The following MYT1L variants were observed in gnomAD, a reference collection of about 807,000 sequenced individuals.
MYT1L encodes the protein myelin transcription factor 1-like protein.
A neutral mutation model predicts 126.7 loss-of-function variants in MYT1L; 12 were observed. The observed-to-expected ratio is 0.09, with a 90% CI of 0.06 to 0.15. The LOEUF is 0.15. Among genes scored for constraint, MYT1L ranks in the 10% least tolerant of loss-of-function variants. The pLI is 1.00. For synonymous variants in MYT1L, 541 were observed against 604.2 expected, an observed-to-expected ratio of 0.90 and a Z score of 1.53; for missense variants, 979 against 1,585.2, an observed-to-expected ratio of 0.62 and a Z score of 6.49.
At chr2:1,900,933 CAT>C (rs1178578371) in intron 14 of MYT1L, among the ~76,000 whole-genome samples, 2 of 152,210 alleles carry the variant, frequency 1.3e-5, no homozygotes, top group African/African-American at 2.4e-5. Context: ...CAGTAACTAA[CAT>C]GTGATGGCGC....
intron 4 of MYT1L, among the ~76,000 whole-genome samples, chr2:2,018,779 C>T (rs915733782): frequency 1.3e-5 from 2 of 152,118 alleles, no homozygotes; most frequent in Admixed American, 6.5e-5. Context: ...AAGGTGAGCC[C>T]AATGTTTGTA....
Position 2,051,216 on chromosome 2 carries a change from G to T in MYT1L, c.-158+2762C>A, listed in dbSNP as rs77370711. On this transcript the variant is annotated intron_variant, in intron 4 of 24. Transcript: ENST00000647738. ...TAACATGCAGCTGTACGTGACAACT[G>T]AATAGTATTCCACGTCCATTACTTG... is the stretch of plus-strand genomic sequence containing the variant. Among the ~76,000 whole-genome samples, 120 of 152,278 alleles carry T rather than the reference G, an allele frequency of 7.9e-4. 1 individual carries two copies. In the East Asian group the frequency reaches 0.013, roughly 17 times the overall value.
At chr2:2,015,713 C>T (rs971732555) in intron 4 of MYT1L, among the ~76,000 whole-genome samples, 3 of 152,004 alleles carry the variant, frequency 2.0e-5, no homozygotes, top group South Asian at 2.1e-4. Flanking sequence ...AAGGAGGGGG[C>T]GGGAGGAACT....
chr2:2,299,326 G>A (rs1207466090), intron 1 of MYT1L, among the ~76,000 whole-genome samples: 1 of 152,196 alleles, frequency 6.6e-6, no homozygotes, highest in Non-Finnish European at 1.5e-5. Flanking sequence ...GTGCCTAGCG[G>A]CCCATGTGAG....
intron 21 of MYT1L, among the ~76,000 whole-genome samples, chr2:1,812,643 C>T (rs1412156760): frequency 2.0e-5 from 3 of 151,962 alleles, no homozygotes; most frequent in African/African-American, 4.8e-5. Flanking sequence ...TTTGTGAGGC[C>T]GAGGCGGACA....
chr2:2,121,720 C>T (rs1281119280), intron 3 of MYT1L, among the ~76,000 whole-genome samples: 2 of 152,092 alleles, frequency 1.3e-5, no homozygotes, highest in Admixed American at 6.5e-5. Context: ...CTGCTGACCT[C>T]GTGATCCGCC....
At chr2:2,104,506 C>A (rs547458437) in intron 3 of MYT1L, among the ~76,000 whole-genome samples, 1 of 152,254 alleles carries the variant, frequency 6.6e-6, no homozygotes, top group South Asian at 2.1e-4. Flanking sequence ...GCTTTTCAGG[C>A]GGGCAGGATG....
chr2:2,087,315 G>A (rs762231157), intron 3 of MYT1L, among the ~76,000 whole-genome samples: 7 of 152,182 alleles, frequency 4.6e-5, no homozygotes, highest in Admixed American at 6.5e-5. Flanking sequence ...TCATGTGCAT[G>A]TTTTACAAAA....
chr2:1,944,746 A>G (rs528307213), intron 8 of MYT1L, among the ~76,000 whole-genome samples: 1 of 152,310 alleles, frequency 6.6e-6, no homozygotes, highest in Non-Finnish European at 1.5e-5. Flanking sequence ...AGGGATTTAG[A>G]CAAGTCACAA....
chr2:2,243,307 T>C (rs1049559310), intron 2 of MYT1L, among the ~76,000 whole-genome samples: 9 of 152,346 alleles, frequency 5.9e-5, no homozygotes, highest in African/African-American at 2.2e-4. Context: ...ATATTCTTGG[T>C]GAATTCTTTT....
intron 2 of MYT1L, among the ~76,000 whole-genome samples, chr2:2,257,440 G>T (rs1572899356): frequency 6.6e-6 from 1 of 152,182 alleles, no homozygotes; most frequent in Non-Finnish European, 1.5e-5. Flanking sequence ...CACTTTGGGA[G>T]GCTGAAGCGG....
At chr2:2,008,186 A>G (rs557405395) in intron 4 of MYT1L, among the ~76,000 whole-genome samples, 4 of 152,234 alleles carry the variant, frequency 2.6e-5, no homozygotes, top group Non-Finnish European at 4.4e-5. Context: ...TATCCTAGTC[A>G]GTTGGCAGCA....
At chr2:1,985,713 G>A (rs935136367) in intron 5 of MYT1L, among the ~76,000 whole-genome samples, 6 of 152,146 alleles carry the variant, frequency 3.9e-5, no homozygotes, top group Admixed American at 3.9e-4. Context: ...TAAAAATCAC[G>A]CTACAAATCC....
chr2:2,317,007 C>T (rs974996489), intron 1 of MYT1L, among the ~76,000 whole-genome samples: 3 of 151,474 alleles, frequency 2.0e-5, no homozygotes, highest in East Asian at 2.0e-4. Context: ...TTAATAGAGA[C>T]GGAGTTTAAC....
At chr2:1,930,034 A>C (rs956137795) in intron 9 of MYT1L, among the ~76,000 whole-genome samples, 2 of 152,220 alleles carry the variant, frequency 1.3e-5, no homozygotes, top group African/African-American at 4.8e-5. Context: ...TCTCGGCTTC[A>C]TGTCCTGCAT....
intron 23 of MYT1L, among the ~76,000 whole-genome samples, chr2:1,796,812 AG>A (rs1428993275): frequency 6.6e-6 from 1 of 152,062 alleles, no homozygotes; most frequent in African/African-American, 2.4e-5. Flanking sequence ...TCCTTGCTCC[AG>A]GCCCCCACGG....
Position 1,892,506 on chromosome 2 carries a change from C to CT in MYT1L, c.2033-220dup, listed in dbSNP as rs5828877. Among the ~76,000 whole-genome samples, 9,135 of 134,204 alleles carry CT rather than the reference C, an allele frequency of 0.068. 398 individuals are homozygous for CT. The highest frequency in any genetic ancestry group is 0.11 in the African/African-American group (3,811 of 34,896). 88.0% of individuals were successfully genotyped at this position (134,204 alleles called of 152,430 possible). A position where few individuals can be genotyped will look rare whatever the true frequency, so the allele number is the denominator to read the frequency against. On this transcript the variant is annotated intron_variant, in intron 14 of 24. Coordinates refer to ENST00000647738, the MANE Select transcript of MYT1L (RefSeq NM_001303052.2). ...CTTTTTTCTTCTTTTTTCCTTTTTCCTTTTTTTTTTTTTTTTTGCCCTGGA... is the reference window on the plus strand; with the variant it reads ...CTTTTTTCTTCTTTTTTCCTTTTTCCTTTTTTTTTTTTTTTTTTGCCCTGGA...
chr2:2,150,912 A>AGAGG (rs1359713915), intron 3 of MYT1L, among the ~76,000 whole-genome samples: 1 of 95,492 alleles, frequency 1.0e-5, no homozygotes, highest in Non-Finnish European at 2.1e-5. Flanking sequence ...GGAGGGAGGG[A>AGAGG]GACGGAGGGA....
At chr2:2,225,109 T>G (rs545184577) in intron 2 of MYT1L, among the ~76,000 whole-genome samples, 2 of 135,648 alleles carry the variant, frequency 1.5e-5, no homozygotes, top group African/African-American at 2.8e-5. Context: ...TGTTTAAAGG[T>G]TTTTTTTTTT....
Sources: allele counts gnomAD v4.1 joint callset (sites outside exome capture counted in the v4.1 genomes callset), GRCh38; gene constraint gnomAD v4.1.1; transcripts MANE v1.5; gene names NCBI Gene and HGNC (gene_info 2026-07-23, HGNC 2026-07-21).